Variants in SGK3 observed in about 807,000 individuals in gnomAD.
SGK3 encodes serum/glucocorticoid regulated kinase family member 3, also known as serine/threonine-protein kinase Sgk3.
SGK3 carries 47 observed loss-of-function variants against 68.5 expected under a neutral mutation model. The ratio of observed to expected loss-of-function variants is 0.69; its 90% confidence interval spans 0.54 to 0.87. The LOEUF is 0.87. Ranked by LOEUF, SGK3 falls within the 40% of genes least tolerant of loss-of-function variation. SGK3 has a pLI of 0.00. For synonymous variants in SGK3, 181 were observed against 189.1 expected, an observed-to-expected ratio of 0.96 and a Z score of 0.35; for missense variants, 479 against 575.5, an observed-to-expected ratio of 0.83 and a Z score of 1.72.
intron 1 of SGK3, among the ~76,000 whole-genome samples, chr8:66,783,178 A>G (rs1483632698): frequency 1.3e-5 from 2 of 152,212 alleles, no homozygotes; most frequent in East Asian, 1.9e-4. Flanking sequence ...TCTGAAAAGT[A>G]TGTAATGGTA....
chr8:66,840,309 T>C, intron 12 of SGK3, 62 bp downstream of exon 12: 1 of 1,449,878 alleles, frequency 6.9e-7, no homozygotes, highest in Middle Eastern at 2.6e-4. Flanking sequence ...TTATGCTTAG[T>C]GCAAAAAAAG....
At chr8:66,788,663 A>T (rs953913288) in intron 1 of SGK3, among the ~76,000 whole-genome samples, 1 of 152,082 alleles carries the variant, frequency 6.6e-6, no homozygotes, top group Non-Finnish European at 1.5e-5. Flanking sequence ...GAAACTCACT[A>T]TTTGTTTTAC....
At chr8:66,736,522 A>G (rs1331194313) in intron 1 of SGK3, among the ~76,000 whole-genome samples, 2 of 152,006 alleles carry the variant, frequency 1.3e-5, no homozygotes, top group African/African-American at 2.4e-5. Flanking sequence ...CAGCGTTGCC[A>G]TCATAGCCCA....
chr8:66,729,823 C>T (rs1427318857), intron 1 of SGK3, among the ~76,000 whole-genome samples: 1 of 152,062 alleles, frequency 6.6e-6, no homozygotes, highest in Non-Finnish European at 1.5e-5. Context: ...TGGCTCACTG[C>T]AACTTCCACC....
chr8:66,851,049 T>C, intron 16 of SGK3, 129 bp downstream of exon 16: 4 of 970,788 alleles, frequency 4.1e-6, no homozygotes, highest in African/African-American at 1.6e-5. Flanking sequence ...GTGAAATATG[T>C]CACTCAGGGT....
intron 1 of SGK3, among the ~76,000 whole-genome samples, chr8:66,785,306 A>T (rs1020991145): frequency 3.3e-5 from 5 of 152,240 alleles, no homozygotes; most frequent in Non-Finnish European, 1.5e-5. Context: ...GACCATGTGG[A>T]ACTACTCTTC....
chr8:66,833,003 A>ATTTTTTT (rs796444821), intron 8 of SGK3, among the ~76,000 whole-genome samples: 181 of 143,944 alleles, frequency 1.3e-3, no homozygotes, highest in African/African-American at 3.9e-3. Flanking sequence ...TGTTTTTAGA[A>ATTTTTTT]TTTTTTTTTT....
At chr8:66,719,183 A>G (rs1479978934) in intron 1 of SGK3, among the ~76,000 whole-genome samples, 1 of 152,178 alleles carries the variant, frequency 6.6e-6, no homozygotes, top group African/African-American at 2.4e-5. Flanking sequence ...GATTACTGCT[A>G]CTGCTGCTGT....
rs116858207 is a variant in SGK3, at chr8:66,754,914, G to A, written c.-121-38702G>A. Among the ~76,000 whole-genome samples, 467 of 152,258 alleles carry A rather than the reference G, an allele frequency of 3.1e-3. 1 individual carries two copies. The highest frequency in any genetic ancestry group is 4.3e-3 in the Non-Finnish European group (292 of 68,022). On this transcript the variant is annotated intron_variant, in intron 1 of 16. Coordinates refer to ENST00000521198, the MANE Select transcript of SGK3 (RefSeq NM_001033578.3). ...ACAGTGAGAAAATAATGTGTTTAGG[G>A]TAACTAGGCAGCACAGTAGCATCCC...
At chr8:66,843,114 C>T (rs1809863210) in intron 13 of SGK3, among the ~76,000 whole-genome samples, 1 of 152,068 alleles carries the variant, frequency 6.6e-6, no homozygotes, top group Non-Finnish European at 1.5e-5. Flanking sequence ...TGAATAATGA[C>T]CAAATGAACT....
At chr8:66,806,536 A>G (rs562639756) in intron 4 of SGK3, among the ~76,000 whole-genome samples, 11 of 152,268 alleles carry the variant, frequency 7.2e-5, no homozygotes, top group African/African-American at 2.4e-4. Flanking sequence ...TACAGAGAGC[A>G]GATATGGTAG....
intron 1 of SGK3, chr8:66,767,998 G>A (rs762910933): frequency 1.3e-6 from 1 of 778,310 alleles, no homozygotes; most frequent in East Asian, 2.5e-5. Context: ...ATAGATCAGA[G>A]TAGCCATTCT....
intron 13 of SGK3, among the ~76,000 whole-genome samples, chr8:66,842,789 C>G (rs2130729170): frequency 6.6e-6 from 1 of 152,226 alleles, no homozygotes; most frequent in African/African-American, 2.4e-5. Flanking sequence ...AGTATTCTTG[C>G]CGGGTGCCGT....
rs540299929 is a variant in SGK3 at position 66,801,351 on chromosome 8, GT to G, written c.180+2734del. On this transcript the variant is annotated intron_variant, in intron 3 of 16. Transcript: ENST00000521198. ...GCTTAATCAAAGGATATTGAGATAG[GT>G]TTTTTTTCTGTAATTAAGGTTACAC... is the stretch of plus-strand genomic sequence containing the variant. Among the ~76,000 whole-genome samples the G allele has an allele frequency of 2.6e-3, 393 of 151,994 alleles. 2 individuals are homozygous for G. Among genetic ancestry groups the G allele is most frequent in the African/African-American group, 8.9e-3 (368 of 41,464 alleles).
chr8:66,776,269 G>A (rs116069627), intron 1 of SGK3, among the ~76,000 whole-genome samples: 203 of 152,334 alleles, frequency 1.3e-3, no homozygotes, highest in African/African-American at 4.2e-3. Flanking sequence ...CTCGAAGGCT[G>A]TTCCAAAACA....
chr8:66,723,127 A>ATT (rs1563595366), intron 1 of SGK3, among the ~76,000 whole-genome samples: 117 of 49,398 alleles, frequency 2.4e-3, no homozygotes, highest in Non-Finnish European at 3.7e-3. Context: ...ATATATATAT[A>ATT]TATATTTTTT....
chr8:66,848,361 A>G (rs1198001966), intron 15 of SGK3, among the ~76,000 whole-genome samples: 2 of 151,868 alleles, frequency 1.3e-5, no homozygotes, highest in Non-Finnish European at 2.9e-5. Flanking sequence ...GTCTGGTAAT[A>G]CTCTTTGTTT....
At chr8:66,792,098 G>A (rs1304803063) in intron 1 of SGK3, among the ~76,000 whole-genome samples, 4 of 152,112 alleles carry the variant, frequency 2.6e-5, no homozygotes, top group African/African-American at 9.7e-5. Flanking sequence ...GGAAGGCCGA[G>A]GCAGGTGGAT....
intron 1 of SGK3, among the ~76,000 whole-genome samples, chr8:66,761,622 A>G (rs1019246092): frequency 6.6e-6 from 1 of 152,142 alleles, no homozygotes; most frequent in Non-Finnish European, 1.5e-5. Flanking sequence ...TACACAAGTT[A>G]GCTGAGTGTG....
Sources: gnomAD v4.1 joint callset for allele counts (sites outside exome capture counted in the v4.1 genomes callset) on GRCh38, gnomAD v4.1.1 for gene constraint, MANE v1.5 for transcripts, NCBI Gene and HGNC (gene_info 2026-07-23, HGNC 2026-07-21) for gene names.